Variants in RFC3 observed in about 807,000 individuals in gnomAD.
The protein encoded by RFC3 is replication factor C subunit 3.
In RFC3, 41 loss-of-function variants were observed where a neutral mutation model predicts 45.1. The observed-to-expected ratio is 0.91, with a 90% CI of 0.71 to 1.18. RFC3 has a LOEUF of 1.18. Among genes scored for constraint, RFC3 ranks in the 50% most tolerant of loss-of-function variants. The pLI is 0.00. For synonymous variants in RFC3, 149 were observed against 144.0 expected (o/e 1.03, Z -0.25); for missense variants, 423 against 428.1 (o/e 0.99, Z 0.10).
At chr13:33,953,139 A>G (rs2083000758) in intron 8 of RFC3, among the ~76,000 whole-genome samples, 1 of 152,154 alleles carries the variant, frequency 6.6e-6, no homozygotes, top group Non-Finnish European at 1.5e-5. Flanking sequence ...TTTAGCTCAT[A>G]GTTTACAATT....
rs745691597 is a variant in RFC3, at chr13:33,835,248, C to T, written c.879+31C>T. 6.1e-6 allele frequency: 9 copies of T among 1,485,436 alleles called. No homozygotes were observed. In the East Asian group the frequency reaches 1.1e-4, roughly 19 times the overall value. 92.0% of individuals were successfully genotyped at this position (1,485,436 alleles called of 1,614,324 possible). On this transcript the variant is annotated intron_variant, in intron 8 of 8. Coordinates refer to ENST00000380071, the MANE Select transcript of RFC3 (RefSeq NM_002915.4). The stretch of plus-strand genomic sequence containing the variant: ...CCAATTTCAGATCTTGAACTTTTTA[C>T]AGCTATAAAATTTGGACGCTGGGTG...
chr13:33,844,161 A>G (rs1342233744), intron 8 of RFC3, among the ~76,000 whole-genome samples: 1 of 152,232 alleles, frequency 6.6e-6, no homozygotes, highest in African/African-American at 2.4e-5. Context: ...TTAGGGTTCA[A>G]GCTCTCTTGT....
chr13:33,910,243 A>C (rs1252027769), intron 8 of RFC3, among the ~76,000 whole-genome samples: 2 of 152,094 alleles, frequency 1.3e-5, no homozygotes, highest in Non-Finnish European at 2.9e-5. Flanking sequence ...ATAACATAGC[A>C]TAAGGACTAA....
At chr13:33,977,250 C>T in the RFC3 span, among the ~76,000 whole-genome samples, 2 of 152,050 alleles carry the variant, frequency 1.3e-5, no homozygotes, top group Admixed American at 6.6e-5. Context: ...TCATTAACTG[C>T]GGTCTATCTA....
intron 3 of RFC3, among the ~76,000 whole-genome samples, chr13:33,824,434 T>G (rs2082031337): frequency 6.6e-6 from 1 of 152,180 alleles, no homozygotes; most frequent in Non-Finnish European, 1.5e-5. Flanking sequence ...ACCAATATCT[T>G]TATTCTCTAT....
chr13:33,835,286 G>A lies in RFC3; in HGVS notation c.879+69G>A, dbSNP rs572180418. 2.5e-5 allele frequency: 23 copies of A among 920,064 alleles called. No individual in the cohort carries two copies. The South Asian group carries it at 3.0e-4, about 12-fold the overall frequency. The allele number at this position is 920,064 out of a possible 1,614,324, so 57.0% of individuals were successfully genotyped here. A position where few individuals can be genotyped will look rare whatever the true frequency, so the allele number is the denominator to read the frequency against. On this transcript the variant is annotated intron_variant, in intron 8 of 8. Coordinates refer to ENST00000380071, the MANE Select transcript of RFC3 (RefSeq NM_002915.4). ...TGGACGCTGGGTGTGTGATCATAGGGCTTTTTGCAGTATCAAGATATCACC... is the reference window on the plus strand; with the variant it reads ...TGGACGCTGGGTGTGTGATCATAGGACTTTTTGCAGTATCAAGATATCACC...
chr13:33,924,682 A>G (rs962837365), intron 8 of RFC3, among the ~76,000 whole-genome samples: 5 of 146,076 alleles, frequency 3.4e-5, no homozygotes, highest in South Asian at 4.2e-4. Context: ...TATTATATAT[A>G]TATGTATACC....
chr13:33,859,660 A>G (rs554365107), intron 8 of RFC3, among the ~76,000 whole-genome samples: 30 of 152,350 alleles, frequency 2.0e-4, no homozygotes, highest in African/African-American at 6.5e-4. Flanking sequence ...TTTATAATAA[A>G]GCATTATTAG....
At chr13:33,870,729 A>G (rs1228242665) in intron 8 of RFC3, among the ~76,000 whole-genome samples, 1 of 152,026 alleles carries the variant, frequency 6.6e-6, no homozygotes, top group Non-Finnish European at 1.5e-5. Context: ...AGGTAGGACC[A>G]TTGTTTTTGT....
chr13:33,950,099 A>G (rs1463338534), intron 8 of RFC3, among the ~76,000 whole-genome samples: 2 of 151,322 alleles, frequency 1.3e-5, no homozygotes, highest in African/African-American at 4.9e-5. Flanking sequence ...ACACACACAC[A>G]CACACACCCC....
chr13:33,826,939 G>T (rs1371115223), intron 4 of RFC3, among the ~76,000 whole-genome samples: 1 of 152,088 alleles, frequency 6.6e-6, no homozygotes, highest in East Asian at 1.9e-4. Context: ...ATAATTAATT[G>T]CTGGATTTTG....
chr13:33,840,669 CTG>C (rs1049191268), downstream of RFC3, among the ~76,000 whole-genome samples: 3 of 150,502 alleles, frequency 2.0e-5, no homozygotes, highest in African/African-American at 7.3e-5. Flanking sequence ...GAAGTCTGAA[CTG>C]TGTGTATCCA....
Position 33,913,393 on chromosome 13 carries a change from A to G in RFC3, c.880-52694A>G, listed in dbSNP as rs117164853. Among the ~76,000 whole-genome samples the G allele has an allele frequency of 8.5e-4, 129 of 152,230 alleles. 1 individual carries two copies. The East Asian group carries it at 0.018, about 22-fold the overall frequency. ...GAGAGAAAGCCAGAGGCACTGCGGA[A>G]TCTCTTCTTCATAGCCATGGGAATA... On this transcript the variant is annotated intron_variant, in intron 8 of 8. Transcript: ENST00000434425.
chr13:33,894,551 G>T (rs2082584936), intron 8 of RFC3, among the ~76,000 whole-genome samples: 1 of 152,152 alleles, frequency 6.6e-6, no homozygotes, highest in African/African-American at 2.4e-5. Flanking sequence ...CAAGGGTACA[G>T]GAGCTGGATA....
the RFC3 span, among the ~76,000 whole-genome samples, chr13:33,976,386 G>A: frequency 6.6e-6 from 1 of 152,278 alleles, no homozygotes; most frequent in Non-Finnish European, 1.5e-5. Flanking sequence ...GAAGCAGAGG[G>A]TAGAATGGGG....
At chr13:33,946,031 C>T (rs901401082) in intron 8 of RFC3, among the ~76,000 whole-genome samples, 12 of 152,152 alleles carry the variant, frequency 7.9e-5, no homozygotes, top group Admixed American at 1.3e-4. Flanking sequence ...GCTGCTCTGT[C>T]GGCCTAGGAA....
At chr13:33,851,283 C>T (rs2082274723) in intron 8 of RFC3, among the ~76,000 whole-genome samples, 10 of 152,118 alleles carry the variant, frequency 6.6e-5, no homozygotes, top group African/African-American at 2.4e-5. Flanking sequence ...ATATAGTTGA[C>T]CCTTGAACAA....
At chr13:33,955,832 C>T (rs570265019) in intron 8 of RFC3, among the ~76,000 whole-genome samples, 1 of 152,294 alleles carries the variant, frequency 6.6e-6, no homozygotes, top group Admixed American at 6.5e-5. Flanking sequence ...TCAGGGGCTT[C>T]AGGAGGCGCA....
At chr13:33,883,502 TTACACACACACA>T (rs1336840509) in intron 8 of RFC3, among the ~76,000 whole-genome samples, 4 of 151,912 alleles carry the variant, frequency 2.6e-5, no homozygotes, top group Non-Finnish European at 4.4e-5. Context: ...ATAACTAAAA[TTACACACACACA>T]TACACACACA....
Sources: gnomAD v4.1 joint callset for allele counts (sites outside exome capture counted in the v4.1 genomes callset) on GRCh38, gnomAD v4.1.1 for gene constraint, MANE v1.5 for transcripts, NCBI Gene and HGNC (gene_info 2026-07-23, HGNC 2026-07-21) for gene names.